Variants in MACROD2 observed in about 807,000 individuals in gnomAD.
MACROD2 encodes mono-ADP ribosylhydrolase 2.
In MACROD2, 36 loss-of-function variants were observed where a neutral mutation model predicts 70.4. That is an observed-to-expected ratio of 0.51 (90% confidence interval 0.39 to 0.68). The LOEUF (loss-of-function observed/expected upper bound fraction) is 0.68, where lower values mean the gene tolerates loss of function less well. MACROD2 is among the 30% of genes least tolerant of loss of function. The pLI, the probability that MACROD2 is intolerant of heterozygous loss-of-function variation, is 0.00. For synonymous variants in MACROD2, 172 were observed against 178.8 expected, an observed-to-expected ratio of 0.96 and a Z score of 0.30; for missense variants, 496 against 538.4, an observed-to-expected ratio of 0.92 and a Z score of 0.78.
At chr20:15,610,333 G>A (rs2048949738) in intron 8 of MACROD2, among the ~76,000 whole-genome samples, 1 of 152,186 alleles carries the variant, frequency 6.6e-6, no homozygotes. Context: ...TTGAAATCAA[G>A]GTGTTGGCAG....
At chr20:15,768,734 A>G (rs2051570560) in intron 8 of MACROD2, among the ~76,000 whole-genome samples, 1 of 152,370 alleles carries the variant, frequency 6.6e-6, no homozygotes, top group South Asian at 2.1e-4. Flanking sequence ...AACACATTGT[A>G]CAGCTATACA....
intron 8 of MACROD2, among the ~76,000 whole-genome samples, chr20:15,747,037 A>G (rs1401714138): frequency 3.3e-5 from 5 of 152,152 alleles, no homozygotes; most frequent in Admixed American, 6.6e-5. Context: ...GTTCTAAACA[A>G]AAAGCTCCTT....
chr20:15,923,094 C>G lies in MACROD2; in HGVS notation c.776-10182C>G, dbSNP rs557686220. Among the ~76,000 whole-genome samples, 46 of 152,232 alleles carry G rather than the reference C, an allele frequency of 3.0e-4. No homozygotes were observed. In the South Asian group the frequency reaches 9.5e-3, roughly 32 times the overall value. ...GGCGTTCATAGCCACATGTAATTAA[C>G]AAAAATAAATCGCAGCATACTTTCT... On this transcript the variant is annotated intron_variant, in intron 10 of 17. Transcript: ENST00000684519.
chr20:15,739,012 T>G (rs553254069), intron 8 of MACROD2, among the ~76,000 whole-genome samples: 1 of 152,088 alleles, frequency 6.6e-6, no homozygotes, highest in Non-Finnish European at 1.5e-5. Flanking sequence ...GATGCAAATC[T>G]AATGCAAATC....
chr20:14,744,023 G>T (rs2071767567), intron 5 of MACROD2, among the ~76,000 whole-genome samples: 1 of 152,072 alleles, frequency 6.6e-6, no homozygotes, highest in African/African-American at 2.4e-5. Context: ...TGTTTTCAGA[G>T]ACTCCAGAAA....
chr20:14,017,916 G>T (rs1011430681), intron 2 of MACROD2, among the ~76,000 whole-genome samples: 2 of 152,064 alleles, frequency 1.3e-5, no homozygotes, highest in Admixed American at 1.3e-4. Context: ...CAAGCTATGT[G>T]GTCTTGGACT....
At chr20:14,843,163 C>CTTTTTTTTTTTTTTTTTTTTTT (rs11389584) in intron 5 of MACROD2, among the ~76,000 whole-genome samples, 1 of 119,266 alleles carries the variant, frequency 8.4e-6, no homozygotes. Flanking sequence ...TGTTCATTAA[C>CTTTTTTTTTTTTTTTTTTTTTT]TTTTTTTTTT....
At chr20:16,018,117 G>A (rs2066953507) in intron 15 of MACROD2, among the ~76,000 whole-genome samples, 1 of 152,082 alleles carries the variant, frequency 6.6e-6, no homozygotes, top group African/African-American at 2.4e-5. Flanking sequence ...GAGCACAGAA[G>A]GTAAAATATT....
chr20:14,845,861 TC>T (rs2073134558), intron 5 of MACROD2, among the ~76,000 whole-genome samples: 1 of 151,914 alleles, frequency 6.6e-6, no homozygotes, highest in Admixed American at 6.6e-5. Context: ...AAATGTTCCT[TC>T]CCCCAAACGG....
In MACROD2 at chr20:15,731,151, C is replaced by T. The variant is rs550056325; in HGVS notation, c.646-131594C>T. Among the ~76,000 whole-genome samples, 53 of 58,590 alleles carry T rather than the reference C, an allele frequency of 9.0e-4. 23 individuals carry two copies. The Middle Eastern group carries it at 0.044, about 49-fold the overall frequency. 38.4% of individuals were successfully genotyped at this position (58,590 alleles called of 152,430 possible). Reference sequence around the variant, plus strand: ...GATATCAATTGTTTTCATTTCTATCCATAGTCTGAATTTTATTTCTGTAAT... The same window carrying T: ...GATATCAATTGTTTTCATTTCTATCTATAGTCTGAATTTTATTTCTGTAAT... On this transcript the variant is annotated intron_variant, in intron 8 of 17. Coordinates refer to ENST00000684519, the MANE Select transcript of MACROD2 (RefSeq NM_001351661.2).
chr20:14,536,651 G>GTGTA (rs1174915480), intron 4 of MACROD2, among the ~76,000 whole-genome samples: 17 of 148,912 alleles, frequency 1.1e-4, no homozygotes, highest in African/African-American at 4.1e-4. Context: ...GTGTGTGTGT[G>GTGTA]TGTGTGTGTG....
chr20:15,784,931 C>G (rs1246528722), intron 8 of MACROD2, among the ~76,000 whole-genome samples: 5 of 151,682 alleles, frequency 3.3e-5, no homozygotes, highest in African/African-American at 1.2e-4. Context: ...GGCAGATCAC[C>G]AGGTCAGGAG....
chr20:14,171,025 AT>A (rs2148724172), intron 3 of MACROD2, among the ~76,000 whole-genome samples: 1 of 152,148 alleles, frequency 6.6e-6, no homozygotes, highest in African/African-American at 2.4e-5. Flanking sequence ...CTCGCTGCTT[AT>A]TATTGGTCTG....
chr20:14,934,796 G>T (rs1276227128), intron 5 of MACROD2: 1 of 151,796 alleles, frequency 6.6e-6, no homozygotes, highest in Non-Finnish European at 1.5e-5. Context: ...CAAAAAACAA[G>T]ATAATAATAA....
intron 4 of MACROD2, among the ~76,000 whole-genome samples, chr20:14,662,670 C>G (rs1173861053): frequency 1.3e-5 from 2 of 152,022 alleles, no homozygotes; most frequent in African/African-American, 4.8e-5. Flanking sequence ...ACAAATTAGG[C>G]AAAGGACATG....
intron 5 of MACROD2, among the ~76,000 whole-genome samples, chr20:15,014,752 A>C (rs961063430): frequency 7.2e-5 from 11 of 152,330 alleles, no homozygotes; most frequent in African/African-American, 2.6e-4. Flanking sequence ...ATTGTAAAAA[A>C]CAGAAATCTA....
At chr20:14,374,481 G>C (rs758046045) in intron 3 of MACROD2, among the ~76,000 whole-genome samples, 1 of 152,090 alleles carries the variant, frequency 6.6e-6, no homozygotes, top group Non-Finnish European at 1.5e-5. Context: ...ATCTTTAAGT[G>C]GTTCTAACAC....
chr20:14,404,792 A>C (rs1264376372), intron 3 of MACROD2, among the ~76,000 whole-genome samples: 3 of 152,138 alleles, frequency 2.0e-5, no homozygotes, highest in African/African-American at 7.2e-5. Flanking sequence ...TTTTAGGAAG[A>C]AAAAGCAGAG....
In MACROD2 at chr20:14,230,687, ATATATATATATATG is replaced by A. The variant is rs2081801073; in HGVS notation, c.271+144960_271+144973del. On this transcript the variant is annotated intron_variant, in intron 3 of 17. Transcript: ENST00000684519. ...GCTGGGCCTATATATATATATATAT[ATATATATATATATG>A]GGCCCAGCCTATGTTATAATTTGAC... is the stretch of plus-strand genomic sequence containing the variant. Among the ~76,000 whole-genome samples, 2 of 119,810 alleles carry A rather than the reference ATATATATATATATG, an allele frequency of 1.7e-5. 1 individual carries two copies. Among genetic ancestry groups the A allele is most frequent in the African/African-American group, 7.0e-5 (2 of 28,736 alleles). The allele number at this position is 119,810 out of a possible 152,430, so 78.6% of individuals were successfully genotyped here.
Sources: allele counts gnomAD v4.1 joint callset (sites outside exome capture counted in the v4.1 genomes callset), GRCh38; gene constraint gnomAD v4.1.1; transcripts MANE v1.5; gene names NCBI Gene and HGNC (gene_info 2026-07-23, HGNC 2026-07-21).